Variants in CCND3 observed in about 807,000 individuals in gnomAD.
The protein encoded by CCND3 is cyclin D3.
In CCND3, 9 loss-of-function variants were observed where a neutral mutation model predicts 28.7. The ratio of observed to expected loss-of-function variants is 0.31; its 90% CI spans 0.19 to 0.55. The LOEUF is 0.55. Among genes scored for constraint, CCND3 ranks in the 20% least tolerant of loss-of-function variants. The pLI is 0.93. For missense variants in CCND3, 315 were observed against 385.8 expected (o/e 0.82, Z 1.54); for synonymous variants, 164 against 163.9 (o/e 1.00, Z 0.00).
chr6:41,980,698 A>G (rs1582128956), intron 1 of CCND3, among the ~76,000 whole-genome samples: 2 of 152,336 alleles, frequency 1.3e-5, no homozygotes, highest in Middle Eastern at 6.8e-3. Flanking sequence ...CAAGTGGGAT[A>G]TAGCTCAGGT....
intron 1 of CCND3, among the ~76,000 whole-genome samples, chr6:41,956,504 C>G (rs571425135): frequency 8.4e-4 from 128 of 152,190 alleles, no homozygotes; most frequent in African/African-American, 2.9e-3. Flanking sequence ...CATATTCCCA[C>G]CCTGCTTGCA....
At chr6:41,942,723 C>A (rs1293415180), upstream of CCND3, among the ~76,000 whole-genome samples, 1 of 152,060 alleles carries the variant, frequency 6.6e-6, no homozygotes, top group Non-Finnish European at 1.5e-5. Context: ...GTAGTTTTAC[C>A]GGAAGCTAGA....
At position 41,940,543 on chromosome 6, in the gene CCND3, C is replaced by A. The variant is rs1385705873; in HGVS notation, c.241G>T (p.Ala81Ser). Residue 81 changes from alanine (A) to serine (S), a missense_variant, in exon 2 of 5, where the codon GCC (alanine) becomes TCC (serine). Coordinates refer to ENST00000372991, the MANE Select transcript of CCND3 (RefSeq NM_001760.5). ...AGGTAGCGATCCAGGTAGTTCATGG[C>A]CAGGGGGAAGACTTCCTCCTCACAG... Reference protein sequence around the residue: ...QRCEEEVFPLAMNYLDRYLSC... With the variant: ...QRCEEEVFPLSMNYLDRYLSC... The A allele has an allele frequency of 6.2e-7, 1 of 1,613,846 alleles. No individual in the cohort carries two copies. Among genetic ancestry groups the A allele is most frequent in the Admixed American group, 1.7e-5 (1 of 60,012 alleles).
intron 1 of CCND3, among the ~76,000 whole-genome samples, chr6:42,006,937 G>A (rs939753996): frequency 5.9e-5 from 9 of 151,900 alleles, no homozygotes; most frequent in Non-Finnish European, 8.8e-5. Flanking sequence ...TTAAGTAGGC[G>A]AATGATAAAA....
chr6:42,008,889 C>T (rs1763253656), intron 1 of CCND3, among the ~76,000 whole-genome samples: 1 of 152,088 alleles, frequency 6.6e-6, no homozygotes, highest in South Asian at 2.1e-4. Context: ...GCATCTCTTT[C>T]CCTATAATTG....
chr6:41,967,196 T>G (rs563874224), intron 1 of CCND3, among the ~76,000 whole-genome samples: 2 of 152,262 alleles, frequency 1.3e-5, no homozygotes, highest in African/African-American at 4.8e-5. Context: ...AACGGCATTT[T>G]GAAAGGGGGA....
chr6:41,966,673 C>T (rs1761895329), intron 1 of CCND3, among the ~76,000 whole-genome samples: 1 of 152,158 alleles, frequency 6.6e-6, no homozygotes, highest in Non-Finnish European at 1.5e-5. Flanking sequence ...GTCTGTCTAT[C>T]CCATAGCTAG....
rs866822806 is a variant in CCND3, at chr6:41,951,565, C to A, written c.-45-10980G>T. On this transcript the variant is annotated intron_variant, in intron 1 of 4. Transcript: ENST00000372988. ...CGACACACACACACACACACACACA[C>A]ACACACACACAAAAAAAAAGATTAA... 6.2e-3 allele frequency among the ~76,000 whole-genome samples: 296 copies of A among 47,496 alleles called. 21 individuals are homozygous for A. The highest frequency in any genetic ancestry group is 9.4e-3 in the Middle Eastern group (1 of 106). 31.2% of individuals were successfully genotyped at this position (47,496 alleles called of 152,430 possible). A position where few individuals can be genotyped will look rare whatever the true frequency, so the allele number is the denominator to read the frequency against.
intron 1 of CCND3, among the ~76,000 whole-genome samples, chr6:42,007,207 G>A (rs2127425339): frequency 6.6e-6 from 1 of 152,030 alleles, no homozygotes; most frequent in South Asian, 2.1e-4. Context: ...TTTCTATATT[G>A]TACACTTATT....
chr6:42,011,532 G>C (rs1763346505), intron 1 of CCND3, among the ~76,000 whole-genome samples: 1 of 152,174 alleles, frequency 6.6e-6, no homozygotes, highest in East Asian at 1.9e-4. Flanking sequence ...CAGTCTGCAG[G>C]AGATGATACA....
At chr6:42,034,013 C>T (rs1764121617) in intron 1 of CCND3, among the ~76,000 whole-genome samples, 1 of 152,118 alleles carries the variant, frequency 6.6e-6, no homozygotes, top group South Asian at 2.1e-4. Context: ...TTTAAGTTAT[C>T]CAAGTATGGT....
chr6:41,979,416 C>A (rs1337419123), intron 1 of CCND3, among the ~76,000 whole-genome samples: 1 of 151,012 alleles, frequency 6.6e-6, no homozygotes, highest in Non-Finnish European at 1.5e-5. Context: ...CACCTGTAGT[C>A]CCAGCTACTC....
chr6:42,001,286 G>A (rs978298075), intron 1 of CCND3, among the ~76,000 whole-genome samples: 2 of 129,354 alleles, frequency 1.5e-5, no homozygotes, highest in African/African-American at 2.9e-5. Flanking sequence ...AAATGAAAAC[G>A]TATGTCTACA....
At chr6:42,019,714 G>T (rs1286968367) in intron 1 of CCND3, among the ~76,000 whole-genome samples, 1 of 151,578 alleles carries the variant, frequency 6.6e-6, no homozygotes, top group Non-Finnish European at 1.5e-5. Context: ...TGATTGGGGC[G>T]GAATTTAAAC....
rs770113308 is a variant in CCND3 at position 41,940,590 on chromosome 6, G to A, written c.199-5C>T. On this transcript the variant is annotated splice_polypyrimidine_tract_variant and splice_region_variant and intron_variant, in intron 1 of 4. Coordinates refer to ENST00000372991, the MANE Select transcript of CCND3 (RefSeq NM_001760.5). Reference sequence around the variant, plus strand: ...ACAGCGCTGCTCCTCACATACCTGGGGGAGGGCGCACAGTCACTGCTGGGT... The same window carrying A: ...ACAGCGCTGCTCCTCACATACCTGGAGGAGGGCGCACAGTCACTGCTGGGT... 2 of 1,609,802 alleles carry A rather than the reference G, an allele frequency of 1.2e-6. No homozygotes were observed. Among genetic ancestry groups the A allele is most frequent in the South Asian group, 2.2e-5 (2 of 90,974 alleles).
intron 1 of CCND3, among the ~76,000 whole-genome samples, chr6:42,014,029 G>A (rs939710863): frequency 6.7e-6 from 1 of 148,944 alleles, no homozygotes; most frequent in Non-Finnish European, 1.5e-5. Context: ...CCGAGATCGT[G>A]CCACTGCACT....
intron 1 of CCND3, among the ~76,000 whole-genome samples, chr6:42,032,471 T>C (rs553505563): frequency 6.5e-4 from 99 of 152,352 alleles, no homozygotes; most frequent in African/African-American, 2.3e-3. Flanking sequence ...CCTGGGATCT[T>C]TTGCAGGCAT....
chr6:41,959,942 C>T (rs985092900), intron 1 of CCND3, among the ~76,000 whole-genome samples: 11 of 128,088 alleles, frequency 8.6e-5, no homozygotes, highest in Admixed American at 5.3e-4. Flanking sequence ...GGCAACAGAG[C>T]GAGACTCCGT....
intron 1 of CCND3, among the ~76,000 whole-genome samples, chr6:41,973,267 T>A (rs908811553): frequency 2.6e-5 from 4 of 152,308 alleles, no homozygotes; most frequent in African/African-American, 9.6e-5. Context: ...AAGCCTCCAA[T>A]TCTTCCAGCT....
Sources: allele counts gnomAD v4.1 joint callset (sites outside exome capture counted in the v4.1 genomes callset), GRCh38; gene constraint gnomAD v4.1.1; transcripts MANE v1.5; gene names NCBI Gene and HGNC (gene_info 2026-07-23, HGNC 2026-07-21).